The following IZUMO2 variants were observed in gnomAD, a reference collection of about 807,000 sequenced individuals.
The protein encoded by IZUMO2 is izumo sperm-egg fusion protein 2.
Under a neutral mutation model 31.2 loss-of-function variants are expected in IZUMO2, and 24 were observed. The ratio of observed to expected loss-of-function variants is 0.77; its 90% CI spans 0.56 to 1.08. IZUMO2 has a LOEUF of 1.08. Ranked by LOEUF, IZUMO2 falls within the 50% of genes least tolerant of loss-of-function variation. IZUMO2 has a pLI of 0.00. For synonymous variants in IZUMO2, 144 were observed against 117.3 expected, an observed-to-expected ratio of 1.23 and a Z score of -1.47; for missense variants, 278 against 274.0, an observed-to-expected ratio of 1.01 and a Z score of -0.10.
rs970625847 is a variant in IZUMO2, at chr19:50,152,727, C to A, written c.624-76G>T. On this transcript the variant is annotated intron_variant, in intron 6 of 6. Transcript: ENST00000293405. ...CCAGATCAAGAGACCCATAACTTCC[C>A]TCCCCATAACTTTCCTACAATCTTT... 4.1e-5 allele frequency: 49 copies of A among 1,209,302 alleles called. No homozygotes were observed. The Admixed American group carries it at 8.6e-4, about 21-fold the overall frequency. The allele number at this position is 1,209,302 out of a possible 1,614,324, so 74.9% of individuals were successfully genotyped here.
intron 4 of IZUMO2, 147 bp downstream of exon 4, chr19:50,159,082 TA>T: frequency 1.3e-6 from 1 of 754,388 alleles, no homozygotes; most frequent in Non-Finnish European, 2.3e-6. Flanking sequence ...CATAAACCTT[TA>T]AAAAGCAAAT....
At position 50,163,231 on chromosome 19, in the gene IZUMO2, C is replaced by T; in HGVS notation, c.-37G>A. 6.7e-7 allele frequency: 1 copy of T among 1,496,560 alleles called. No individual in the cohort carries two copies. The highest frequency in any genetic ancestry group is 1.2e-5 in the South Asian group (1 of 81,968). The allele number at this position is 1,496,560 out of a possible 1,614,324, so 92.7% of individuals were successfully genotyped here. ...TGTGACGTCACAGAGAGAACCCGGCCCGCCCCGCCTCCCAGGCGAGGGCGC... is the reference window on the plus strand; with the variant it reads ...TGTGACGTCACAGAGAGAACCCGGCTCGCCCCGCCTCCCAGGCGAGGGCGC... On this transcript the variant is annotated 5_prime_UTR_variant, in exon 1 of 7. Transcript: ENST00000293405.
chr19:50,158,325 C>A lies in IZUMO2; in HGVS notation c.439G>T (p.Asp147Tyr). 6.2e-7 allele frequency: 1 copy of A among 1,611,176 alleles called. No individual in the cohort carries two copies. The highest frequency in any genetic ancestry group is 8.5e-7 in the Non-Finnish European group (1 of 1,178,352). ...GTGATCCTCTGGCAATGTAAACAGTCCAACACCTCTTCTTTTAGCAAGCCT... is the reference window on the plus strand; with the variant it reads ...GTGATCCTCTGGCAATGTAAACAGTACAACACCTCTTCTTTTAGCAAGCCT... ...LCRLLKEEVLDCLHCQRITPK... is the reference protein window; with the variant it reads ...LCRLLKEEVLYCLHCQRITPK... Residue 147 changes from aspartate (D) to tyrosine (Y), a missense_variant, in exon 5 of 7, where the codon GAC becomes TAC. Coordinates refer to ENST00000293405, the MANE Select transcript of IZUMO2 (RefSeq NM_152358.3).
intron 2 of IZUMO2, chr19:50,159,871 G>A (rs969040889): frequency 2.8e-5 from 7 of 253,192 alleles, no homozygotes; most frequent in South Asian, 2.6e-4. Context: ...TTTTTGAGAC[G>A]GAGTCTCACT....
Position 50,159,704 on chromosome 19 carries a change from G to T in IZUMO2, c.308-124C>A, listed in dbSNP as rs2030333067. On this transcript the variant is annotated intron_variant, in intron 2 of 6. Transcript: ENST00000293405. ...ATTTATAAAGGGTAACCAAGACCAG[G>T]ATTACTAAGGGTCCCCCAGGCAAAT... 4 of 646,968 alleles carry T rather than the reference G, an allele frequency of 6.2e-6. No individual in the cohort carries two copies. In the South Asian group the frequency reaches 7.3e-5, roughly 12 times the overall value. The allele number at this position is 646,968 out of a possible 1,614,324, so 40.1% of individuals were successfully genotyped here.
At chr19:50,156,987 G>C (rs2030231469) in intron 5 of IZUMO2, among the ~76,000 whole-genome samples, 1 of 152,162 alleles carries the variant, frequency 6.6e-6, no homozygotes, top group Admixed American at 6.5e-5. Context: ...CGACATTGTG[G>C]CTACTTAGGA....
At chr19:50,154,777 A>C in intron 5 of IZUMO2, 51 bp from the exon 6 acceptor site, 1 of 1,599,254 alleles carries the variant, frequency 6.3e-7, no homozygotes, top group Non-Finnish European at 8.5e-7. Flanking sequence ...ACCCCTCCTT[A>C]GCCCCATACC....
At position 50,159,536 on chromosome 19, in the gene IZUMO2, TC is replaced by T. The variant is rs766833987; in HGVS notation, c.351del (p.Ile118SerfsTer8). 4 of 1,613,514 alleles carry T rather than the reference TC, an allele frequency of 2.5e-6. No homozygotes were observed. Among genetic ancestry groups the T allele is most frequent in the Non-Finnish European group, 2.5e-6 (3 of 1,179,558 alleles). The stretch of plus-strand genomic sequence containing the variant: ...ATTAAAACTTTCTTGAATTCCTTGA[TC>T]ACATTCGCCCTGAGGGTCACCAGCT... ...LEELVTLRANVIKEFKKVLIS... is the reference protein window; with the variant it reads ...LEELVTLRANXIKEFKKVLIS... On this transcript the variant is annotated frameshift_variant, in exon 3 of 7. Coordinates refer to ENST00000293405, the MANE Select transcript of IZUMO2 (RefSeq NM_152358.3). LOFTEE classifies it high-confidence loss of function.
intron 2 of IZUMO2, among the ~76,000 whole-genome samples, 153 bp downstream of exon 2, chr19:50,162,586 G>C (rs1251607044): frequency 2.6e-5 from 4 of 152,060 alleles, no homozygotes; most frequent in Non-Finnish European, 4.4e-5. Context: ...CTGCACTCCA[G>C]CCGGAGCGAC....
chr19:50,157,444 AG>A (rs1251746053), intron 5 of IZUMO2, among the ~76,000 whole-genome samples: 1 of 151,316 alleles, frequency 6.6e-6, no homozygotes, highest in Non-Finnish European at 1.5e-5. Context: ...CTGGGATTAC[AG>A]GTGCCTGCCA....
intron 6 of IZUMO2, among the ~76,000 whole-genome samples, chr19:50,154,122 T>C (rs1255895212): frequency 6.6e-6 from 1 of 151,090 alleles, no homozygotes; most frequent in African/African-American, 2.4e-5. Context: ...CATGGAAATG[T>C]TTTCACTGTA....
chr19:50,162,646 C>T, intron 2 of IZUMO2, 93 bp downstream of exon 2: 7 of 1,049,794 alleles, frequency 6.7e-6, no homozygotes, highest in Non-Finnish European at 1.0e-5. Flanking sequence ...ACATTGCATG[C>T]GTGTTTGCTC....
At chr19:50,158,704 T>G (rs2030296177) in intron 4 of IZUMO2, among the ~76,000 whole-genome samples, 1 of 152,174 alleles carries the variant, frequency 6.6e-6, no homozygotes, top group South Asian at 2.1e-4. Flanking sequence ...CCTCTACTGG[T>G]GCATACAGGA....
At chr19:50,154,256 CTT>C (rs2030127760) in intron 6 of IZUMO2, among the ~76,000 whole-genome samples, 1 of 113,528 alleles carries the variant, frequency 8.8e-6, no homozygotes, top group South Asian at 3.4e-4. Context: ...CCAAATATAA[CTT>C]TTAGCGTTTT....
intron 2 of IZUMO2, among the ~76,000 whole-genome samples, chr19:50,162,046 G>C (rs2030417410): frequency 6.6e-6 from 1 of 152,200 alleles, no homozygotes; most frequent in South Asian, 2.1e-4. Context: ...ACTTTGGGAG[G>C]CCTAGGCGGG....
intron 5 of IZUMO2, among the ~76,000 whole-genome samples, chr19:50,154,953 G>A (rs905621222): frequency 2.0e-5 from 3 of 152,136 alleles, no homozygotes; most frequent in Non-Finnish European, 4.4e-5. Flanking sequence ...GGATATAGCC[G>A]GGAACCAAAC....
Position 50,152,550 on chromosome 19 carries a change from GATTTGTCACCA to G in IZUMO2, c.*48_*58del. On this transcript the variant is annotated 3_prime_UTR_variant, in exon 7 of 7. Transcript: ENST00000293405. ...CAGGAAATGGACAGAGACATTGATG[GATTTGTCACCA>G]ATTTTATTAAATTTATTTTCCTTTC... 1 of 1,433,852 alleles carries G rather than the reference GATTTGTCACCA, an allele frequency of 7.0e-7. No homozygotes were observed. The allele number at this position is 1,433,852 out of a possible 1,614,324, so 88.8% of individuals were successfully genotyped here.
At chr19:50,154,559 G>A (rs1333395210) in intron 6 of IZUMO2, 41 bp downstream of exon 6, 9 of 1,611,310 alleles carry the variant, frequency 5.6e-6, no homozygotes, top group South Asian at 2.2e-5. Context: ...GGGGCCCAGT[G>A]GGTTCCACGG....
chr19:50,154,263 CG>C (rs1568436689), intron 6 of IZUMO2, among the ~76,000 whole-genome samples: 38 of 40,634 alleles, frequency 9.4e-4, no homozygotes, highest in South Asian at 1.2e-3. Context: ...TAACTTTTAG[CG>C]TTTTTTTTTT....
Sources: gnomAD v4.1 joint callset for allele counts (sites outside exome capture counted in the v4.1 genomes callset) on GRCh38, gnomAD v4.1.1 for gene constraint, MANE v1.5 for transcripts, NCBI Gene and HGNC (gene_info 2026-07-23, HGNC 2026-07-21) for gene names.